LONRF3: variants seen among roughly 807,000 people sequenced by gnomAD.
LONRF3 encodes the protein LON peptidase N-terminal domain and ring finger 3.
In LONRF3, 19 loss-of-function variants were observed where a neutral mutation model predicts 51.7. That is an observed-to-expected ratio of 0.37 (90% CI 0.26 to 0.54). The LOEUF (loss-of-function observed/expected upper bound fraction) is 0.54, where lower values mean the gene tolerates loss of function less well. Among genes scored for constraint, LONRF3 ranks in the 20% least tolerant of loss-of-function variants. The pLI is 0.86. For missense variants in LONRF3, 521 were observed against 623.9 expected, an observed-to-expected ratio of 0.84 and a Z score of 1.76; for synonymous variants, 265 against 257.8, an observed-to-expected ratio of 1.03 and a Z score of -0.27.
At chrX:119,004,713 G>A (rs1382700044) in intron 5 of LONRF3, among the ~76,000 whole-genome samples, 3 of 111,789 alleles carry the variant, frequency 2.7e-5, no homozygotes. Flanking sequence ...GGAGGGATGG[G>A]TATGTTTCCT....
Position 118,978,390 on chromosome X carries a change from T to C in LONRF3, c.863T>C (p.Phe288Ser), listed in dbSNP as rs1009589320. 6.6e-6 allele frequency: 8 copies of C among 1,207,366 alleles called. No homozygotes were observed. The Admixed American group carries it at 1.3e-4, about 20-fold the overall frequency. The change falls in exon 2 of 11, where the codon TTC becomes TCC. Residue 288 changes from phenylalanine to serine, a missense_variant. Physicochemically the swap from Phe to Ser is radical, Grantham distance 155. Transcript: ENST00000371628. ...LLYSNRSQIY[F>S]TLESHENALH... ...TATAGCAATCGGTCTCAGATTTATT[T>C]CACCTTGGAGTCTCATGAGAATGCA...
At chrX:118,976,929 A>G (rs1922120072) in intron 1 of LONRF3, 1 of 110,268 alleles carries the variant, frequency 9.1e-6, no homozygotes, top group South Asian at 3.9e-4. Flanking sequence ...TTTAATCTCC[A>G]CTCAAGCTTG....
intron 1 of LONRF3, chrX:118,976,286 A>G (rs1195722503): frequency 8.8e-6 from 1 of 113,586 alleles, no homozygotes; most frequent in Admixed American, 9.2e-5. Flanking sequence ...GGATTGTGTA[A>G]CCGCTGAGGT....
intron 4 of LONRF3, among the ~76,000 whole-genome samples, chrX:118,990,071 A>G (rs1004641938): frequency 1.2e-4 from 13 of 111,759 alleles, no homozygotes; most frequent in African/African-American, 4.2e-4. Flanking sequence ...GTGTTCCCAT[A>G]GGTAGGCATG....
At chrX:118,983,378 C>T (rs1270041070) in intron 3 of LONRF3, among the ~76,000 whole-genome samples, 2 of 111,860 alleles carry the variant, frequency 1.8e-5, no homozygotes, top group Admixed American at 9.5e-5. Flanking sequence ...GACAGCCAGC[C>T]CCTGGGAAGG....
intron 5 of LONRF3, among the ~76,000 whole-genome samples, chrX:118,999,120 G>T (rs1007408774): frequency 8.9e-6 from 1 of 112,071 alleles, no homozygotes; most frequent in East Asian, 2.8e-4. Context: ...TAACACAGCC[G>T]TTACCTGAAA....
chrX:118,989,505 G>A lies in LONRF3; in HGVS notation c.1157G>A (p.Gly386Asp), dbSNP rs1569476715. 23 of 1,209,779 alleles carry A rather than the reference G, an allele frequency of 1.9e-5. No homozygotes were observed. The highest frequency in any genetic ancestry group is 2.5e-5 in the Non-Finnish European group (22 of 895,222). The change falls in exon 4 of 11, where the codon GGT (glycine) becomes GAT (aspartate). Residue 386 changes from glycine (G) to aspartate (D), a missense_variant. By Grantham distance (94) the Gly-to-Asp change is moderately conservative. This residue lies in a region of LONRF3 where 376 missense variants were observed against 376.7 expected (regional missense o/e 1.00). Transcript: ENST00000371628. ...LMDPAKVKGD[G>D]QQHHMKDQEE... is the part of the protein sequence containing the mutation. ...GACCCAGCTAAAGTGAAGGGGGATG[G>A]TCAGCAGCACCACATGAAAGACCAG...
At chrX:118,999,228 A>G (rs142397401) in intron 5 of LONRF3, among the ~76,000 whole-genome samples, 4,193 of 111,304 alleles carry the variant, frequency 0.038, 184 homozygotes, top group African/African-American at 0.13. Context: ...TGGAATGTTG[A>G]AGCACTCAAA....
chrX:118,993,193 T>A (rs2100524), intron 5 of LONRF3, among the ~76,000 whole-genome samples: 51,960 of 109,815 alleles, frequency 0.47, 9,767 homozygotes, highest in African/African-American at 0.7. Flanking sequence ...TTTACCTGAA[T>A]AAGAATTGAA....
chrX:119,005,543 C>G (rs1924647642), intron 5 of LONRF3, among the ~76,000 whole-genome samples: 1 of 111,547 alleles, frequency 9.0e-6, no homozygotes. Context: ...ATTCTCCTGC[C>G]CCTATGAAAA....
chrX:119,004,657 G>A (rs779280647), intron 5 of LONRF3, among the ~76,000 whole-genome samples: 1 of 111,983 alleles, frequency 8.9e-6, no homozygotes, highest in Admixed American at 9.4e-5. Context: ...AGGTGACTGG[G>A]GGAGGCAGGA....
Position 119,013,092 on chromosome X carries a change from A to G in LONRF3, c.1865A>G (p.Asp622Gly). ...ATCAGAAATGTTCAATTCTTTGCTG[A>G]TGGCCGCTCAGTGGTTGACAGCATA... ...LEIRNVQFFA[D>G]GRSVVDSIGK... The change falls in exon 9 of 11, where the codon GAT becomes GGT. Residue 622 changes from aspartate (D) to glycine (G), a missense_variant. This residue lies in a region of LONRF3 where 145 missense variants were observed against 247.2 expected (regional missense o/e 0.59). Transcript: ENST00000371628. 8.3e-7 allele frequency: 1 copy of G among 1,211,927 alleles called. No homozygotes were observed. The highest frequency in any genetic ancestry group is 1.1e-6 in the Non-Finnish European group (1 of 895,501).
intron 5 of LONRF3, among the ~76,000 whole-genome samples, chrX:118,994,332 G>A (rs1018072940): frequency 1.8e-5 from 2 of 111,264 alleles, no homozygotes; most frequent in African/African-American, 6.5e-5. Context: ...GAAGTAAAGG[G>A]GTGAAAAAAA....
chrX:118,996,673 A>G (rs749437498), intron 5 of LONRF3, among the ~76,000 whole-genome samples: 13 of 111,817 alleles, frequency 1.2e-4, no homozygotes, highest in Admixed American at 1.0e-3. Flanking sequence ...CTGTAATCCC[A>G]GCACTTTGGG....
intron 6 of LONRF3, 129 bp from the exon 7 acceptor site, chrX:119,008,997 C>A: frequency 2.3e-6 from 1 of 431,626 alleles, no homozygotes; most frequent in African/African-American, 2.5e-5. Context: ...GTAACAGCTG[C>A]TAATTTGTGG....
chrX:119,014,477 T>A, intron 10 of LONRF3, 121 bp downstream of exon 10: 1 of 685,213 alleles, frequency 1.5e-6, no homozygotes, highest in Non-Finnish European at 2.1e-6. Flanking sequence ...AAGATGGATT[T>A]AATTTGGTGT....
At chrX:118,986,314 G>C (rs1464911275) in intron 3 of LONRF3, among the ~76,000 whole-genome samples, 2 of 111,903 alleles carry the variant, frequency 1.8e-5, no homozygotes, top group Non-Finnish European at 3.8e-5. Flanking sequence ...GGAGAAGAGG[G>C]AGGAAGCTGG....
At chrX:118,986,719 A>G (rs1161587936) in intron 3 of LONRF3, among the ~76,000 whole-genome samples, 2 of 111,501 alleles carry the variant, frequency 1.8e-5, no homozygotes, top group Non-Finnish European at 3.8e-5. Context: ...GTAGAGACCT[A>G]GATTTTTCAT....
intron 3 of LONRF3, among the ~76,000 whole-genome samples, chrX:118,985,329 G>A (rs1383697861): frequency 9.0e-6 from 1 of 111,534 alleles, no homozygotes; most frequent in Admixed American, 9.5e-5. Context: ...GTTGAGTCAC[G>A]CATTAGGGCT....
Sources: allele counts gnomAD v4.1 joint callset (sites outside exome capture counted in the v4.1 genomes callset), GRCh38; gene constraint gnomAD v4.1.1; regional missense constraint gnomAD v4.1.1; transcripts MANE v1.5; gene names NCBI Gene and HGNC (gene_info 2026-07-23, HGNC 2026-07-21).